The following POU2F3 variants were observed in gnomAD, a reference collection of about 807,000 sequenced individuals.
POU2F3 encodes POU class 2 homeobox 3.
Under a neutral mutation model 59.2 loss-of-function variants are expected in POU2F3, and 23 were observed. The ratio of observed to expected loss-of-function variants is 0.39; its 90% CI spans 0.28 to 0.55. The LOEUF (loss-of-function observed/expected upper bound fraction) is 0.55. Among genes scored for constraint, POU2F3 ranks in the 20% least tolerant of loss-of-function variants. The pLI is 0.66. For missense variants in POU2F3, 473 were observed against 544.5 expected (o/e 0.87, Z 1.31); for synonymous variants, 190 against 214.6 (o/e 0.89, Z 1.00).
intron 2 of POU2F3, among the ~76,000 whole-genome samples, chr11:120,268,110 G>A (rs1939912041): frequency 6.6e-6 from 1 of 151,972 alleles, no homozygotes; most frequent in Non-Finnish European, 1.5e-5. Flanking sequence ...AAGCATAGAA[G>A]CATTTATGAT....
intron 11 of POU2F3, among the ~76,000 whole-genome samples, chr11:120,316,833 C>T (rs1244626508): frequency 1.3e-5 from 2 of 152,208 alleles, no homozygotes; most frequent in Non-Finnish European, 2.9e-5. Flanking sequence ...CTCTTTCTCC[C>T]CTATGCACTT....
Position 120,305,129 on chromosome 11 carries a change from G to A in POU2F3, c.544G>A (p.Ala182Thr). ...VPKHLPSSGG[A>T]DEPSDLEELE... ...CAAGCATCTACCCAGCTCTGGAGGGGCCGATGAGCCCAGTGACCTCGAGGA... is the reference window on the plus strand; with the variant it reads ...CAAGCATCTACCCAGCTCTGGAGGGACCGATGAGCCCAGTGACCTCGAGGA... Residue 182 changes from alanine to threonine, a missense_variant, in exon 7 of 13, where the codon GCC becomes ACC. By Grantham distance (58) the Ala-to-Thr change is moderately conservative. Coordinates refer to ENST00000543440, the MANE Select transcript of POU2F3 (RefSeq NM_014352.4). The A allele has an allele frequency of 6.2e-7, 1 of 1,613,874 alleles. No homozygotes were observed. The highest frequency in any genetic ancestry group is 1.1e-5 in the South Asian group (1 of 91,042).
At chr11:120,244,830 G>A (rs372401386) in intron 1 of POU2F3, among the ~76,000 whole-genome samples, 1 of 152,166 alleles carries the variant, frequency 6.6e-6, no homozygotes, top group African/African-American at 2.4e-5. Flanking sequence ...AAATGTGTCT[G>A]GGCGGTCCAT....
chr11:120,236,690 C>T (rs575118561), upstream of POU2F3: 44 of 1,505,976 alleles, frequency 2.9e-5, no homozygotes, highest in Non-Finnish European at 3.8e-5. Context: ...TCTCCAAGAA[C>T]TGCTAAAGGA....
intron 3 of POU2F3, among the ~76,000 whole-genome samples, chr11:120,282,993 G>A (rs1940634598): frequency 6.6e-6 from 1 of 152,202 alleles, no homozygotes; most frequent in Non-Finnish European, 1.5e-5. Context: ...TCCTGCAGAG[G>A]CCAATGGTGG....
At position 120,283,772 on chromosome 11, in the gene POU2F3, CGTGTGTGTGT is replaced by C. The variant is rs36099803; in HGVS notation, c.133-14454_133-14445del. Among the ~76,000 whole-genome samples, 232 of 130,442 alleles carry C rather than the reference CGTGTGTGTGT, an allele frequency of 1.8e-3. 1 individual carries two copies. Among genetic ancestry groups the C allele is most frequent in the South Asian group, 8.2e-3 (29 of 3,538 alleles). The allele number at this position is 130,442 out of a possible 152,430, so 85.6% of individuals were successfully genotyped here. A position where few individuals can be genotyped will look rare whatever the true frequency, so the allele number is the denominator to read the frequency against. ...TCCACCTGTGTGCCTTAATAGGCTT[CGTGTGTGTGT>C]GTGTGTGTGTGTGTGTGTGTGTGTG... is the stretch of plus-strand genomic sequence containing the variant. On this transcript the variant is annotated intron_variant, in intron 3 of 12. Coordinates refer to ENST00000543440, the MANE Select transcript of POU2F3 (RefSeq NM_014352.4).
At chr11:120,272,662 A>T (rs916685714) in intron 3 of POU2F3, among the ~76,000 whole-genome samples, 6 of 152,214 alleles carry the variant, frequency 3.9e-5, no homozygotes, top group African/African-American at 1.4e-4. Flanking sequence ...CTCATGGCTC[A>T]TCGGGAAGTT....
intron 11 of POU2F3, 94 bp from the exon 12 acceptor site, chr11:120,317,135 A>G: frequency 6.8e-7 from 1 of 1,473,414 alleles, no homozygotes; most frequent in Non-Finnish European, 9.4e-7. Context: ...CTTTGGGGAT[A>G]CACCAGGAAA....
chr11:120,287,612 T>C (rs1033593430), intron 3 of POU2F3, among the ~76,000 whole-genome samples: 1 of 152,190 alleles, frequency 6.6e-6, no homozygotes, highest in African/African-American at 2.4e-5. Context: ...AGCCTTTTGG[T>C]AACAAATTTG....
intron 2 of POU2F3, among the ~76,000 whole-genome samples, chr11:120,246,759 A>C (rs912383873): frequency 1.3e-5 from 2 of 152,230 alleles, no homozygotes; most frequent in Non-Finnish European, 2.9e-5. Context: ...CCAGATACTT[A>C]AAAACAGAAC....
At chr11:120,265,402 T>C (rs1204857632) in intron 2 of POU2F3, 2 of 152,250 alleles carry the variant, frequency 1.3e-5, no homozygotes, top group South Asian at 2.1e-4. Context: ...CGGGAGGGCA[T>C]GGCTGGCCCC....
intron 3 of POU2F3, among the ~76,000 whole-genome samples, chr11:120,282,879 G>C (rs1940629988): frequency 6.6e-6 from 1 of 152,198 alleles, no homozygotes; most frequent in South Asian, 2.1e-4. Context: ...ACTGTGGATG[G>C]TTTCATCTGA....
chr11:120,237,834 T>C (rs1380292604), upstream of POU2F3, among the ~76,000 whole-genome samples: 1 of 150,504 alleles, frequency 6.6e-6, no homozygotes, highest in Non-Finnish European at 1.5e-5. Context: ...GGGATGGGAG[T>C]TGGGGGAGTG....
chr11:120,285,770 A>G lies in POU2F3; in HGVS notation c.133-12495A>G, dbSNP rs1206218085. 6.6e-6 allele frequency among the ~76,000 whole-genome samples: 1 copy of G among 152,186 alleles called. No individual in the cohort carries two copies. The highest frequency in any genetic ancestry group is 1.5e-5 in the Non-Finnish European group (1 of 68,034). ...CATATGTACAAATTATACCGTATATATTCTTTAGTGGCTTTTAAAATTTTT... is the reference window on the plus strand; with the variant it reads ...CATATGTACAAATTATACCGTATATGTTCTTTAGTGGCTTTTAAAATTTTT... On this transcript the variant is annotated intron_variant, in intron 3 of 12. Transcript: ENST00000543440. This position sits in a 1 kb window ranked among gnomAD's most constrained non-coding sequence, Gnocchi z 4.3.
At chr11:120,244,441 T>C (rs1938789442) in intron 1 of POU2F3, among the ~76,000 whole-genome samples, 1 of 152,218 alleles carries the variant, frequency 6.6e-6, no homozygotes, top group African/African-American at 2.4e-5. Context: ...ACAAAAACCC[T>C]GGGAAGTGTA....
At chr11:120,306,745 A>T (rs1941502444) in intron 8 of POU2F3, among the ~76,000 whole-genome samples, 1 of 152,176 alleles carries the variant, frequency 6.6e-6, no homozygotes, top group African/African-American at 2.4e-5. Context: ...GCAGCCAGCC[A>T]GGGCTGTTAC....
intron 2 of POU2F3, 29 bp from the exon 3 acceptor site, chr11:120,269,181 T>A: frequency 1.3e-6 from 2 of 1,541,218 alleles, no homozygotes; most frequent in Non-Finnish European, 1.8e-6. Flanking sequence ...TGCTACCAAC[T>A]AATATACATA....
At chr11:120,292,593 C>T (rs1213255015) in intron 3 of POU2F3, among the ~76,000 whole-genome samples, 1 of 152,170 alleles carries the variant, frequency 6.6e-6, no homozygotes, top group Non-Finnish European at 1.5e-5. Flanking sequence ...GTCAAAGAAC[C>T]AGAGAGGGTA....
chr11:120,246,596 T>G, intron 2 of POU2F3, 79 bp downstream of exon 2: 2 of 1,502,574 alleles, frequency 1.3e-6, no homozygotes, highest in Non-Finnish European at 1.8e-6. Context: ...CTGGTGTCTC[T>G]TCTTGCTTGG....
Sources: gnomAD v4.1 joint callset for allele counts (sites outside exome capture counted in the v4.1 genomes callset) on GRCh38, gnomAD v4.1.1 for gene constraint, Gnocchi (gnomAD v3.1) non-coding constraint, MANE v1.5 for transcripts, NCBI Gene and HGNC (gene_info 2026-07-23, HGNC 2026-07-21) for gene names.